The following EFCAB8 variants were observed in gnomAD, a reference collection of about 807,000 sequenced individuals.
The protein encoded by EFCAB8 is EF-hand calcium-binding domain-containing protein 8.
A neutral mutation model predicts 116.3 loss-of-function variants in EFCAB8; 100 were observed. The observed-to-expected ratio is 0.86, with a 90% CI of 0.73 to 1.02. The LOEUF (loss-of-function observed/expected upper bound fraction) is 1.02. EFCAB8 is among the 50% of genes least tolerant of loss of function. The probability of loss-of-function intolerance (pLI) is 0.00; values close to 1 mark genes in which losing one functional copy is unlikely to be tolerated. For missense variants in EFCAB8, 1,320 were observed against 1,416.9 expected, an observed-to-expected ratio of 0.93 and a Z score of 1.10; for synonymous variants, 558 against 567.9, an observed-to-expected ratio of 0.98 and a Z score of 0.25.
rs766475593 is a variant in EFCAB8, at chr20:32,961,131, T to A, written c.3394-5T>A. Reference sequence around the variant, plus strand: ...CATTCCCGCTCCCCACTCTGTTCCCTGCAGATCTCGCCTCAGGTCTACCAA... The same window carrying A: ...CATTCCCGCTCCCCACTCTGTTCCCAGCAGATCTCGCCTCAGGTCTACCAA... On this transcript the variant is annotated splice_region_variant and splice_polypyrimidine_tract_variant and intron_variant, in intron 26 of 26. Transcript: ENST00000400522. The A allele has an allele frequency of 3.2e-6, 5 of 1,551,940 alleles. No homozygotes were observed. Among genetic ancestry groups the A allele is most frequent in the Non-Finnish European group, 4.4e-6 (5 of 1,146,906 alleles).
chr20:32,935,355 C>T (rs1160544435), intron 22 of EFCAB8, among the ~76,000 whole-genome samples: 3 of 151,418 alleles, frequency 2.0e-5, no homozygotes, highest in Admixed American at 1.3e-4. Context: ...CACAGGCTAC[C>T]ACACCCGGCT....
At chr20:32,950,006 AAACAAAAC>A (rs931932950) in intron 23 of EFCAB8, among the ~76,000 whole-genome samples, 9 of 129,200 alleles carry the variant, frequency 7.0e-5, no homozygotes, top group East Asian at 3.9e-4. Context: ...TCTCAAAAAC[AAACAAAAC>A]AACAAAACAA....
chr20:32,859,572 C>T lies in EFCAB8; in HGVS notation c.-11+566C>T, dbSNP rs1268921766. 3.9e-5 allele frequency among the ~76,000 whole-genome samples: 6 copies of T among 152,178 alleles called. No homozygotes were observed. In the East Asian group the frequency reaches 7.7e-4, roughly 19 times the overall value. On this transcript the variant is annotated intron_variant, in intron 1 of 26. Transcript: ENST00000400522. Reference sequence around the variant, plus strand: ...CTCCTGGTGAAAGACATTTATCTTACAAAATATTTAGTTTTGAAATAATTA... The same window carrying T: ...CTCCTGGTGAAAGACATTTATCTTATAAAATATTTAGTTTTGAAATAATTA...
intron 4 of EFCAB8, among the ~76,000 whole-genome samples, chr20:32,878,281 A>AG (rs1985093822): frequency 6.6e-6 from 1 of 151,482 alleles, no homozygotes; most frequent in East Asian, 1.9e-4. Flanking sequence ...GAAAAAAAAA[A>AG]GGCCGGGTGT....
intron 13 of EFCAB8, 144 bp downstream of exon 13, chr20:32,907,138 GGC>G (rs1390050455): frequency 7.0e-7 from 1 of 1,422,388 alleles, no homozygotes. Context: ...AGGTGAGGGT[GGC>G]CATGGACCTC....
intron 13 of EFCAB8, 129 bp from the exon 14 acceptor site, chr20:32,908,146 T>G: frequency 1.2e-6 from 1 of 825,074 alleles, no homozygotes; most frequent in Non-Finnish European, 1.6e-6. Context: ...ACACCATGTG[T>G]GTGTGTTAGA....
intron 8 of EFCAB8, 128 bp from the exon 9 acceptor site, chr20:32,893,046 G>A (rs1985994506): frequency 9.0e-7 from 1 of 1,112,338 alleles, no homozygotes; most frequent in South Asian, 1.5e-5. Flanking sequence ...TCACCACGTT[G>A]GCCAGGCTGG....
Position 32,961,670 on chromosome 20 carries a change from T to G in EFCAB8, c.*61T>G. 1 of 1,031,338 alleles carries G rather than the reference T, an allele frequency of 9.7e-7. No homozygotes were observed. Among genetic ancestry groups the G allele is most frequent in the Non-Finnish European group, 1.3e-6 (1 of 791,396 alleles). 63.9% of individuals were successfully genotyped at this position (1,031,338 alleles called of 1,614,324 possible). ...CAACCAGGCCCATGGCGGTCCTGCA[T>G]GTTCTCGGCTTATTCCCTACCAGAC... On this transcript the variant is annotated 3_prime_UTR_variant, in exon 27 of 27. Transcript: ENST00000400522.
At chr20:32,918,031 T>C (rs769751311) in intron 18 of EFCAB8, among the ~76,000 whole-genome samples, 13 of 152,238 alleles carry the variant, frequency 8.5e-5, no homozygotes, top group Non-Finnish European at 1.3e-4. Flanking sequence ...TCCCCCAGAA[T>C]AGCTCAGCTT....
intron 11 of EFCAB8, among the ~76,000 whole-genome samples, chr20:32,904,096 G>C (rs1394137678): frequency 1.3e-5 from 2 of 151,890 alleles, no homozygotes; most frequent in Admixed American, 6.6e-5. Flanking sequence ...CCAGGCTCAA[G>C]TGATCCTCCT....
chr20:32,888,507 C>T (rs1985748006), intron 6 of EFCAB8, among the ~76,000 whole-genome samples: 2 of 152,112 alleles, frequency 1.3e-5, no homozygotes, highest in African/African-American at 4.8e-5. Context: ...CAGGTGTGAG[C>T]CACTGCGCCC....
At chr20:32,925,041 T>TG (rs541895233) in intron 20 of EFCAB8, among the ~76,000 whole-genome samples, 4 of 152,132 alleles carry the variant, frequency 2.6e-5, no homozygotes, top group African/African-American at 7.2e-5. Flanking sequence ...TTGGGTGGGC[T>TG]GGGGTAAGGA....
chr20:32,940,364 G>A (rs1455016609), intron 22 of EFCAB8, among the ~76,000 whole-genome samples: 1 of 149,474 alleles, frequency 6.7e-6, no homozygotes, highest in Non-Finnish European at 1.5e-5. Context: ...TGGGACAATA[G>A]GGATAACTTT....
Position 32,913,726 on chromosome 20 carries a change from C to T in EFCAB8, c.1856+862C>T, listed in dbSNP as rs564340466. Among the ~76,000 whole-genome samples the T allele has an allele frequency of 1.2e-3, 182 of 152,250 alleles. 1 individual carries two copies. Among genetic ancestry groups the T allele is most frequent in the Non-Finnish European group, 2.2e-3 (147 of 68,024 alleles). On this transcript the variant is annotated intron_variant, in intron 17 of 26. Coordinates refer to ENST00000400522, the MANE Select transcript of EFCAB8 (RefSeq NM_001143967.2). ...TGTGATGCTAACACGTTATGTACTT[C>T]CAAAATAGAATGGTGGGGCAGGCAT... is the stretch of plus-strand genomic sequence containing the variant.
At chr20:32,874,025 A>G (rs1485148456) in intron 3 of EFCAB8, among the ~76,000 whole-genome samples, 1 of 151,776 alleles carries the variant, frequency 6.6e-6, no homozygotes, top group African/African-American at 2.4e-5. Flanking sequence ...GGCTCAAGCA[A>G]TCCTCCCAGC....
At position 32,909,854 on chromosome 20, in the gene EFCAB8, G is replaced by A; in HGVS notation, c.1480G>A (p.Gly494Arg). The A allele has an allele frequency of 2.1e-5, 26 of 1,249,916 alleles. No homozygotes were observed. Among genetic ancestry groups the A allele is most frequent in the Non-Finnish European group, 2.6e-5 (26 of 988,286 alleles). 77.4% of individuals were successfully genotyped at this position (1,249,916 alleles called of 1,614,324 possible). A position where few individuals can be genotyped will look rare whatever the true frequency, so the allele number is the denominator to read the frequency against. ...GILKGYLEAQGLIKARKRTTH... is the reference protein window; with the variant it reads ...GILKGYLEAQRLIKARKRTTH... ...CCTAAAAGGGTACTTAGAGGCCCAG[G>A]GGCTTATCAAAGCAAGGAAGAGGAC... Residue 494 changes from glycine to arginine, a missense_variant, in exon 15 of 27, where the codon GGG becomes AGG. Transcript: ENST00000400522.
At chr20:32,935,184 C>CTTTTT (rs1988056638) in intron 22 of EFCAB8, among the ~76,000 whole-genome samples, 1 of 64,540 alleles carries the variant, frequency 1.5e-5, no homozygotes, top group African/African-American at 8.7e-5. Context: ...TTCTTTCTTT[C>CTTTTT]TTTCTTTCTT....
chr20:32,876,002 G>GT lies in EFCAB8; in HGVS notation c.290dup (p.Leu97PhefsTer8). 6.4e-7 allele frequency: 1 copy of GT among 1,552,284 alleles called. No individual in the cohort carries two copies. The highest frequency in any genetic ancestry group is 8.7e-7 in the Non-Finnish European group (1 of 1,147,116). On this transcript the variant is annotated frameshift_variant, in exon 4 of 27. Coordinates refer to ENST00000400522, the MANE Select transcript of EFCAB8 (RefSeq NM_001143967.2). LOFTEE classifies it high-confidence loss of function. ...TGTCGGACGAGATGCTAAAGGAGCT[G>GT]TTTTTGAAGGTGGACTCGGACTGTG... is the stretch of plus-strand genomic sequence containing the variant.
intron 20 of EFCAB8, among the ~76,000 whole-genome samples, chr20:32,927,250 T>A (rs957554082): frequency 6.6e-6 from 1 of 152,226 alleles, no homozygotes; most frequent in African/African-American, 2.4e-5. Context: ...AAACTTGAAC[T>A]TAGCCTTGAG....
Sources: gnomAD v4.1 joint callset for allele counts (sites outside exome capture counted in the v4.1 genomes callset) on GRCh38, gnomAD v4.1.1 for gene constraint, MANE v1.5 for transcripts, NCBI Gene and HGNC (gene_info 2026-07-23, HGNC 2026-07-21) for gene names.